TENM1: variants seen among roughly 807,000 people sequenced by gnomAD.
TENM1 encodes the protein teneurin-1.
In TENM1, 35 loss-of-function variants were observed where a neutral mutation model predicts 174.8. The observed-to-expected ratio is 0.20, with a 90% CI of 0.15 to 0.27. The LOEUF is 0.27. Ranked by LOEUF, TENM1 falls within the 10% of genes least tolerant of loss-of-function variation. TENM1 has a pLI of 1.00. For synonymous variants in TENM1, 781 were observed against 798.7 expected (o/e 0.98, Z 0.37); for missense variants, 1,633 against 2,130.1 (o/e 0.77, Z 4.59).
At chrX:124,633,411 G>A (rs2050805815) in intron 11 of TENM1, among the ~76,000 whole-genome samples, 2 of 111,664 alleles carry the variant, frequency 1.8e-5, no homozygotes, top group Admixed American at 1.9e-4. Context: ...GACTTATAGA[G>A]AGGCAGCCGC....
intron 1 of TENM1, among the ~76,000 whole-genome samples, chrX:124,916,596 T>TTCAA (rs1484502051): frequency 4.5e-5 from 5 of 111,411 alleles, no homozygotes; most frequent in Non-Finnish European, 9.4e-5. Flanking sequence ...TATAGGCAGT[T>TTCAA]CTCATGTTGA....
At chrX:124,920,527 T>C (rs1320230884) in intron 1 of TENM1, among the ~76,000 whole-genome samples, 6 of 111,688 alleles carry the variant, frequency 5.4e-5, no homozygotes, top group Non-Finnish European at 1.1e-4. Flanking sequence ...TTCTGTAAGA[T>C]AAATTCCTGA....
chrX:124,559,709 A>G (rs768259400), intron 14 of TENM1, among the ~76,000 whole-genome samples: 2 of 111,574 alleles, frequency 1.8e-5, no homozygotes, highest in Admixed American at 1.9e-4. Context: ...GGATTAAATG[A>G]AATAATTCAC....
At chrX:125,031,195 T>C in the TENM1 span, among the ~76,000 whole-genome samples, 1 of 110,898 alleles carries the variant, frequency 9.0e-6, no homozygotes, top group Non-Finnish European at 1.9e-5. Flanking sequence ...CACTTATAAG[T>C]GAGAAGATGT....
At chrX:124,552,486 G>A (rs1465124201) in intron 14 of TENM1, among the ~76,000 whole-genome samples, 1 of 96 alleles carries the variant, frequency 0.01, no homozygotes, top group Non-Finnish European at 0.019. Flanking sequence ...AGTGCACTCA[G>A]GATTGGCCTG....
chrX:124,787,038 A>C (rs1211389606), intron 3 of TENM1, among the ~76,000 whole-genome samples: 2 of 112,096 alleles, frequency 1.8e-5, no homozygotes, highest in East Asian at 5.6e-4. Context: ...GTATTCATGG[A>C]AACATTAGTA....
At chrX:124,571,230 T>A (rs2049047842) in intron 11 of TENM1, among the ~76,000 whole-genome samples, 1 of 112,146 alleles carries the variant, frequency 8.9e-6, no homozygotes, top group Admixed American at 9.5e-5. Flanking sequence ...AGGTGTTCTT[T>A]AAAAACACAC....
the TENM1 span, among the ~76,000 whole-genome samples, chrX:125,055,791 C>G: frequency 1.8e-5 from 2 of 111,101 alleles, no homozygotes; most frequent in Admixed American, 1.9e-4. Context: ...ATAAGTGAAT[C>G]GACGTTGTGT....
the TENM1 span, among the ~76,000 whole-genome samples, chrX:124,987,701 T>TGTGTGTG: frequency 2.2e-5 from 2 of 91,384 alleles, no homozygotes; most frequent in Non-Finnish European, 4.3e-5. Flanking sequence ...GTTCTGCATT[T>TGTGTGTG]TGTGTGTGTG....
intron 1 of TENM1, among the ~76,000 whole-genome samples, chrX:124,934,381 C>T (rs1389850288): frequency 2.7e-5 from 3 of 112,228 alleles, no homozygotes; most frequent in African/African-American, 9.7e-5. Flanking sequence ...AGCTTATTCT[C>T]AACTGGTCTA....
the TENM1 span, among the ~76,000 whole-genome samples, chrX:125,059,386 G>A: frequency 9.0e-6 from 1 of 111,291 alleles, no homozygotes; most frequent in Non-Finnish European, 1.9e-5. Context: ...TAGTAAAAAA[G>A]TTACTATAGC....
At chrX:124,488,166 C>A (rs749306783) in intron 20 of TENM1, among the ~76,000 whole-genome samples, 1 of 112,048 alleles carries the variant, frequency 8.9e-6, no homozygotes, top group African/African-American at 3.2e-5. Flanking sequence ...TGAGGTTTCT[C>A]ACACAGGGAG....
At chrX:124,792,149 C>A (rs929874293) in intron 3 of TENM1, among the ~76,000 whole-genome samples, 1 of 111,588 alleles carries the variant, frequency 9.0e-6, no homozygotes, top group Admixed American at 9.5e-5. Flanking sequence ...CTTCTACCCC[C>A]AATCCCATAC....
chrX:125,068,741 C>G, the TENM1 span, among the ~76,000 whole-genome samples: 1 of 111,564 alleles, frequency 9.0e-6, no homozygotes, highest in Non-Finnish European at 1.9e-5. Flanking sequence ...CAAAAGAGAA[C>G]AGATTTGATC....
chrX:125,010,853 GAA>G, the TENM1 span, among the ~76,000 whole-genome samples: 78 of 107,065 alleles, frequency 7.3e-4, no homozygotes, highest in Middle Eastern at 0.019. Flanking sequence ...ATGTGGAACC[GAA>G]AAAGAGGCCA....
exon 20 of TENM1, chrX:124,497,037 G>A: frequency 1.7e-6 from 2 of 1,209,422 alleles, no homozygotes; most frequent in Non-Finnish European, 2.2e-6. Context: ...AATACTAACG[G>A]AGTTTCCCGA....
chrX:124,821,980 T>C (rs1197244365), intron 3 of TENM1, among the ~76,000 whole-genome samples: 2 of 111,867 alleles, frequency 1.8e-5, no homozygotes, highest in African/African-American at 3.2e-5. Flanking sequence ...TAATAATAGC[T>C]GGGGCAGAGA....
rs1434429593 is a variant in TENM1, at chrX:124,747,418, A to G, written c.536-10221T>C. 2.8e-5 allele frequency among the ~76,000 whole-genome samples: 3 copies of G among 108,695 alleles called. No individual in the cohort carries two copies. The Admixed American group carries it at 2.9e-4, about 11-fold the overall frequency. 94.4% of individuals were successfully genotyped at this position (108,695 alleles called of 115,157 possible). On this transcript the variant is annotated intron_variant, in intron 3 of 31. Coordinates refer to ENST00000422452, the Ensembl canonical transcript of TENM1. ...TGTGAATATGAGACTGCAGTAGTAA[A>G]TATAGATGGAAATCCTAGAAATTAA...
intron 11 of TENM1, among the ~76,000 whole-genome samples, chrX:124,634,088 C>T (rs765448100): frequency 4.5e-5 from 5 of 111,177 alleles, no homozygotes; most frequent in Non-Finnish European, 9.4e-5. Flanking sequence ...TAAATGTGAG[C>T]ACAGGTTGTC....
Sources: gnomAD v4.1 joint callset for allele counts (sites outside exome capture counted in the v4.1 genomes callset) on GRCh38, gnomAD v4.1.1 for gene constraint, MANE v1.5 for transcripts, NCBI Gene and HGNC (gene_info 2026-07-23, HGNC 2026-07-21) for gene names.